The following ALG6 variants were observed in gnomAD, a reference collection of about 807,000 sequenced individuals.
The protein encoded by ALG6 is dolichyl pyrophosphate Man9GlcNAc2 alpha-1,3-glucosyltransferase.
A neutral mutation model predicts 66.6 loss-of-function variants in ALG6; 46 were observed. The ratio of observed to expected loss-of-function variants is 0.69; its 90% CI spans 0.55 to 0.88. ALG6 has a LOEUF of 0.88. ALG6 is among the 40% of genes least tolerant of loss of function. The probability of loss-of-function intolerance (pLI) is 0.00; values close to 1 mark genes in which losing one functional copy is unlikely to be tolerated. For synonymous variants in ALG6, 185 were observed against 203.7 expected (o/e 0.91, Z 0.78); for missense variants, 505 against 586.8 (o/e 0.86, Z 1.44).
chr1:63,406,464 G>GTA, intron 6 of ALG6, 65 bp downstream of exon 6: 1 of 1,368,278 alleles, frequency 7.3e-7, no homozygotes, highest in South Asian at 1.2e-5. Context: ...TAACTATTAA[G>GTA]TATAGACCTT....
chr1:63,405,763 AG>A (rs1644486936), intron 5 of ALG6, among the ~76,000 whole-genome samples: 3 of 152,102 alleles, frequency 2.0e-5, no homozygotes, highest in Non-Finnish European at 1.5e-5. Context: ...ATACATTTGA[AG>A]AACTTATGTA....
At chr1:63,385,184 C>T (rs371345551) in intron 2 of ALG6, among the ~76,000 whole-genome samples, 75 of 58,952 alleles carry the variant, frequency 1.3e-3, no homozygotes, top group African/African-American at 4.0e-3. Context: ...TTTACTTCTT[C>T]TTTTTTTTTT....
In ALG6 at chr1:63,396,598, G is replaced by A; in HGVS notation, c.167+1G>A. The stretch of plus-strand genomic sequence containing the variant: ...CTTTTAATTTACCGGTCAAACAATG[G>A]TATGATAATTTTAACTTGTTTTTCT... On this transcript the variant is annotated splice_donor_variant, in intron 3 of 14. Coordinates refer to ENST00000263440, the MANE Select transcript of ALG6 (RefSeq NM_013339.4). LOFTEE classifies it high-confidence loss of function. 1.2e-6 allele frequency: 2 copies of A among 1,610,706 alleles called. No individual in the cohort carries two copies. The highest frequency in any genetic ancestry group is 2.2e-5 in the East Asian group (1 of 44,838).
intron 9 of ALG6, chr1:63,413,563 C>A: frequency 6.4e-6 from 1 of 155,358 alleles, no homozygotes; most frequent in Non-Finnish European, 1.4e-5. Flanking sequence ...TAGTTACAAA[C>A]TTAATTTTGA....
chr1:63,384,167 G>A lies in ALG6; in HGVS notation c.83-12346G>A, dbSNP rs547945867. Among the ~76,000 whole-genome samples, 9 of 152,044 alleles carry A rather than the reference G, an allele frequency of 5.9e-5. No homozygotes were observed. In the South Asian group the frequency reaches 8.3e-4, roughly 14 times the overall value. On this transcript the variant is annotated intron_variant, in intron 2 of 14. Coordinates refer to ENST00000263440, the MANE Select transcript of ALG6 (RefSeq NM_013339.4). ...ATATGGATTTCCTTTATTGCCTGTC[G>A]TTTGGATAAAAGCCATTTTACCTGG...
chr1:63,422,353 CTATATAAATA>C (rs1236281664), intron 12 of ALG6, among the ~76,000 whole-genome samples: 1 of 76,320 alleles, frequency 1.3e-5, no homozygotes, highest in Non-Finnish European at 2.3e-5. Context: ...AAATATATAT[CTATATAAATA>C]TAAATATATA....
At chr1:63,374,217 A>G (rs1271652796) in intron 2 of ALG6, among the ~76,000 whole-genome samples, 1 of 152,244 alleles carries the variant, frequency 6.6e-6, no homozygotes, top group Admixed American at 6.5e-5. Context: ...AATCACTTAA[A>G]TGTAGCAGTT....
chr1:63,422,232 AAT>A (rs1161689398), intron 12 of ALG6, among the ~76,000 whole-genome samples: 438 of 40,892 alleles, frequency 0.011, 31 homozygotes, highest in Admixed American at 0.014. Flanking sequence ...TATAAATATA[AAT>A]ATATATATAA....
chr1:63,425,709 G>A lies in ALG6; in HGVS notation c.1059-3024G>A, dbSNP rs529667234. ...GTTCAGTATGGTTGGAGTAAGCACT[G>A]GTGGAGAGTTGAGTATTTCCAGGTT... On this transcript the variant is annotated intron_variant, in intron 12 of 14. Coordinates refer to ENST00000263440, the MANE Select transcript of ALG6 (RefSeq NM_013339.4). 2.6e-5 allele frequency among the ~76,000 whole-genome samples: 4 copies of A among 152,300 alleles called. No individual in the cohort carries two copies. The East Asian group carries it at 7.7e-4, about 29-fold the overall frequency.
In ALG6 at chr1:63,385,184, C is replaced by CTTTTTT. The variant is rs1165046824; in HGVS notation, c.83-11301_83-11296dup. 5.0e-3 allele frequency among the ~76,000 whole-genome samples: 292 copies of CTTTTTT among 58,926 alleles called. 15 individuals carry two copies. The highest frequency in any genetic ancestry group is 7.2e-3 in the Non-Finnish European group (223 of 30,854). The allele number at this position is 58,926 out of a possible 152,430, so 38.7% of individuals were successfully genotyped here. ...TTTTTATTAAGATCTTTTACTTCTT[C>CTTTTTT]TTTTTTTTTTTTTTTTTTTTTTTTT... On this transcript the variant is annotated intron_variant, in intron 2 of 14. Coordinates refer to ENST00000263440, the MANE Select transcript of ALG6 (RefSeq NM_013339.4).
chr1:63,419,394 T>C lies in ALG6; in HGVS notation c.1012T>C (p.Leu338=), dbSNP rs1032193382. 10 of 1,610,470 alleles carry C rather than the reference T, an allele frequency of 6.2e-6. No homozygotes were observed. Among genetic ancestry groups the C allele is most frequent in the Non-Finnish European group, 8.5e-6 (10 of 1,178,306 alleles). ...GGTTAGCTGTGCGCTATCATTCTTT[T>C]TATTTTCTTTCCAAGTACATGAAAA... ...TLVSCALSFF[L]FSFQVHEKSI... is the part of the protein sequence containing the mutation. The change falls in exon 12 of 15, where the codon TTA becomes CTA. Residue 338 remains leucine, a synonymous_variant. Coordinates refer to ENST00000263440, the MANE Select transcript of ALG6 (RefSeq NM_013339.4).
In ALG6 at chr1:63,376,222, T is replaced by C. The variant is rs940405134; in HGVS notation, c.82+5163T>C. On this transcript the variant is annotated intron_variant, in intron 2 of 14. Coordinates refer to ENST00000263440, the MANE Select transcript of ALG6 (RefSeq NM_013339.4). ...TACAACATGTTACTGTACTGAATAC[T>C]GTAGGCAGTTGTAGCACATGGTAAG... Among the ~76,000 whole-genome samples, 4 of 152,226 alleles carry C rather than the reference T, an allele frequency of 2.6e-5. No individual in the cohort carries two copies. The East Asian group carries it at 7.7e-4, about 29-fold the overall frequency.
chr1:63,370,698 A>G lies in ALG6; in HGVS notation c.-207-73A>G, dbSNP rs537454260. The G allele has an allele frequency of 5.1e-5, 20 of 394,724 alleles. No individual in the cohort carries two copies. The East Asian group carries it at 1.0e-3, about 20-fold the overall frequency. 24.5% of individuals were successfully genotyped at this position (394,724 alleles called of 1,614,324 possible). On this transcript the variant is annotated intron_variant, in intron 1 of 14. Coordinates refer to ENST00000263440, the MANE Select transcript of ALG6 (RefSeq NM_013339.4). Reference sequence around the variant, plus strand: ...CTCCCCTCGAATTCTCTATCCTTCTACTTGGTTTACTGGGTTCATTGTTGT... The same window carrying G: ...CTCCCCTCGAATTCTCTATCCTTCTGCTTGGTTTACTGGGTTCATTGTTGT...
At chr1:63,375,036 C>T (rs1041304073) in intron 2 of ALG6, among the ~76,000 whole-genome samples, 2 of 151,998 alleles carry the variant, frequency 1.3e-5, no homozygotes, top group Non-Finnish European at 2.9e-5. Flanking sequence ...ATGGTGAAAC[C>T]CCCTTTACAA....
In ALG6 at chr1:63,387,268, G is replaced by A. The variant is rs571351672; in HGVS notation, c.83-9245G>A. ...TTCTCTAGCCATTGGATGAAATGTT[G>A]TATAAATATCTGATAGGTCCACTTA... is the stretch of plus-strand genomic sequence containing the variant. On this transcript the variant is annotated intron_variant, in intron 2 of 14. Transcript: ENST00000263440. Among the ~76,000 whole-genome samples, 9 of 152,262 alleles carry A rather than the reference G, an allele frequency of 5.9e-5. No homozygotes were observed. The South Asian group carries it at 1.9e-3, about 32-fold the overall frequency.
intron 2 of ALG6, among the ~76,000 whole-genome samples, chr1:63,392,305 G>T (rs944164347): frequency 7.2e-5 from 11 of 151,962 alleles, no homozygotes; most frequent in African/African-American, 2.7e-4. Flanking sequence ...CAAGTAGCTG[G>T]GATTACAGGC....
chr1:63,400,454 C>T (rs1046637953), intron 3 of ALG6, among the ~76,000 whole-genome samples: 2 of 148,888 alleles, frequency 1.3e-5, no homozygotes, highest in African/African-American at 5.0e-5. Flanking sequence ...ACTTGAAACA[C>T]TTCTAAGCTA....
At chr1:63,432,426 A>T (rs1644651158) in intron 14 of ALG6, among the ~76,000 whole-genome samples, 1 of 152,098 alleles carries the variant, frequency 6.6e-6, no homozygotes, top group Non-Finnish European at 1.5e-5. Context: ...TTTTGCATTT[A>T]TATTCATAAG....
chr1:63,376,822 A>G (rs774581760), intron 2 of ALG6, among the ~76,000 whole-genome samples: 2 of 152,128 alleles, frequency 1.3e-5, no homozygotes, highest in African/African-American at 4.8e-5. Flanking sequence ...ACCCAATATT[A>G]TTGTTTTGAT....
Sources: allele counts gnomAD v4.1 joint callset (sites outside exome capture counted in the v4.1 genomes callset), GRCh38; gene constraint gnomAD v4.1.1; transcripts MANE v1.5; gene names NCBI Gene and HGNC (gene_info 2026-07-23, HGNC 2026-07-21).